TRAPPC9: variants seen among roughly 807,000 people sequenced by gnomAD.
The protein encoded by TRAPPC9 is IKK2 binding protein.
A neutral mutation model predicts 124.0 loss-of-function variants in TRAPPC9; 83 were observed. The ratio of observed to expected loss-of-function variants is 0.67; its 90% CI spans 0.56 to 0.80. The LOEUF (loss-of-function observed/expected upper bound fraction) is 0.80. TRAPPC9 is among the 30% of genes least tolerant of loss of function. The pLI, the probability that TRAPPC9 is intolerant of heterozygous loss-of-function variation, is 0.00. For missense variants in TRAPPC9, 1,302 were observed against 1,508.3 expected, an observed-to-expected ratio of 0.86 and a Z score of 2.27; for synonymous variants, 638 against 617.5, an observed-to-expected ratio of 1.03 and a Z score of -0.49.
intron 17 of TRAPPC9, among the ~76,000 whole-genome samples, chr8:140,115,117 C>T (rs2060854299): frequency 2.0e-5 from 3 of 152,300 alleles, no homozygotes; most frequent in Middle Eastern, 6.8e-3. Flanking sequence ...AGGAACCCCA[C>T]AGACACCGAA....
intron 19 of TRAPPC9, among the ~76,000 whole-genome samples, chr8:139,912,096 G>C (rs1321277349): frequency 6.6e-6 from 1 of 152,128 alleles, no homozygotes; most frequent in Non-Finnish European, 1.5e-5. Context: ...TTGTTAAACA[G>C]TTGGAAGATA....
intron 17 of TRAPPC9, among the ~76,000 whole-genome samples, chr8:140,214,700 C>T (rs1308257794): frequency 6.6e-6 from 1 of 152,182 alleles, no homozygotes; most frequent in Non-Finnish European, 1.5e-5. Context: ...TTCTAAGATG[C>T]ATCCAATTCA....
chr8:140,218,345 C>T (rs1273495443), intron 17 of TRAPPC9, among the ~76,000 whole-genome samples: 1 of 152,034 alleles, frequency 6.6e-6, no homozygotes, highest in Non-Finnish European at 1.5e-5. Context: ...TAAACCTCTG[C>T]CCAAAAAGCA....
chr8:140,226,290 C>T (rs1387881921), intron 16 of TRAPPC9, among the ~76,000 whole-genome samples: 2 of 152,128 alleles, frequency 1.3e-5, no homozygotes, highest in African/African-American at 2.4e-5. Context: ...CTCTGAATCA[C>T]GTTATAAAGA....
intron 9 of TRAPPC9, among the ~76,000 whole-genome samples, chr8:140,336,334 G>A (rs921338081): frequency 6.6e-6 from 1 of 152,192 alleles, no homozygotes; most frequent in African/African-American, 2.4e-5. Flanking sequence ...AGCCAGCCGA[G>A]ATTCCCAACC....
chr8:140,051,270 AGTGAGCACTGT>A (rs1226540326), intron 17 of TRAPPC9, among the ~76,000 whole-genome samples: 11 of 152,234 alleles, frequency 7.2e-5, no homozygotes, highest in Non-Finnish European at 1.3e-4. Flanking sequence ...CCATGACCTC[AGTGAGCACTGT>A]GGGACCTGCC....
At chr8:140,197,799 C>G (rs750936643) in intron 17 of TRAPPC9, among the ~76,000 whole-genome samples, 2 of 151,800 alleles carry the variant, frequency 1.3e-5, no homozygotes, top group Admixed American at 1.3e-4. Flanking sequence ...GGAGCCAGCA[C>G]GGGCTAAAGA....
At chr8:139,945,971 A>G (rs1302398178) in intron 19 of TRAPPC9, among the ~76,000 whole-genome samples, 1 of 152,262 alleles carries the variant, frequency 6.6e-6, no homozygotes, top group Non-Finnish European at 1.5e-5. Flanking sequence ...CCCACCACCT[A>G]GATTTAACTT....
intron 5 of TRAPPC9, among the ~76,000 whole-genome samples, chr8:140,411,054 G>A (rs1323301133): frequency 6.6e-6 from 1 of 152,100 alleles, no homozygotes; most frequent in Non-Finnish European, 1.5e-5. Context: ...GCAGCACCCT[G>A]TGTATTTATC....
chr8:140,100,815 C>A (rs1014745628), intron 17 of TRAPPC9, among the ~76,000 whole-genome samples: 2 of 152,174 alleles, frequency 1.3e-5, no homozygotes, highest in African/African-American at 4.8e-5. Flanking sequence ...TCCTAGACTG[C>A]GGGTATTAAC....
At chr8:140,333,519 T>C (rs1381950067) in intron 9 of TRAPPC9, among the ~76,000 whole-genome samples, 1 of 152,160 alleles carries the variant, frequency 6.6e-6, no homozygotes, top group Non-Finnish European at 1.5e-5. Flanking sequence ...GCCTCCTCAG[T>C]AGCTGGGATT....
intron 17 of TRAPPC9, chr8:140,095,602 A>T (rs1408565609): frequency 1.3e-5 from 2 of 152,200 alleles, no homozygotes; most frequent in Non-Finnish European, 2.9e-5. Context: ...TGTGCCATGA[A>T]AAATCAACCC....
At chr8:139,829,883 T>A (rs1234204341) in intron 21 of TRAPPC9, among the ~76,000 whole-genome samples, 4 of 152,174 alleles carry the variant, frequency 2.6e-5, no homozygotes, top group African/African-American at 9.7e-5. Context: ...ACACGCCTAG[T>A]GAGTGACAGC....
chr8:139,732,944 G>A (rs1475517908), intron 21 of TRAPPC9, among the ~76,000 whole-genome samples: 1 of 152,204 alleles, frequency 6.6e-6, no homozygotes. Context: ...CAAGGAGGAC[G>A]CCTCCTAACT....
At chr8:140,279,533 G>A (rs757979838) in intron 14 of TRAPPC9, among the ~76,000 whole-genome samples, 1 of 152,028 alleles carries the variant, frequency 6.6e-6, no homozygotes, top group Non-Finnish European at 1.5e-5. Context: ...ACTCCAAATC[G>A]GTTCCACTGG....
intron 18 of TRAPPC9, among the ~76,000 whole-genome samples, chr8:140,000,841 A>G (rs1216856322): frequency 6.6e-6 from 1 of 152,242 alleles, no homozygotes; most frequent in Admixed American, 6.5e-5. Context: ...TCAAGGATCT[A>G]GAACTGGAAA....
At chr8:140,136,141 T>C (rs1222980598) in intron 17 of TRAPPC9, among the ~76,000 whole-genome samples, 1 of 152,050 alleles carries the variant, frequency 6.6e-6, no homozygotes, top group Non-Finnish European at 1.5e-5. Context: ...CCCCACGCCC[T>C]GCAAAGGCTT....
chr8:140,304,736 ACT>A (rs754511916), intron 10 of TRAPPC9, among the ~76,000 whole-genome samples: 19 of 151,914 alleles, frequency 1.3e-4, no homozygotes, highest in Non-Finnish European at 2.4e-4. Context: ...TGAGAACATA[ACT>A]CTGGATTCTC....
At chr8:139,933,402 C>G (rs1278329915) in intron 19 of TRAPPC9, 1 of 152,272 alleles carries the variant, frequency 6.6e-6, no homozygotes, top group Non-Finnish European at 1.5e-5. Context: ...GGAAGTCCTG[C>G]CTCCCACTGA....
Sources: gnomAD v4.1 joint callset for allele counts (sites outside exome capture counted in the v4.1 genomes callset) on GRCh38, gnomAD v4.1.1 for gene constraint, MANE v1.5 for transcripts, NCBI Gene and HGNC (gene_info 2026-07-23, HGNC 2026-07-21) for gene names.